Variants in UNC5D observed in about 807,000 individuals in gnomAD.
The protein encoded by UNC5D is netrin receptor UNC5D.
Under a neutral mutation model 105.4 loss-of-function variants are expected in UNC5D, and 39 were observed. The ratio of observed to expected loss-of-function variants is 0.37; its 90% CI spans 0.29 to 0.48. The LOEUF is 0.48. Among genes scored for constraint, UNC5D ranks in the 20% least tolerant of loss-of-function variants. The pLI, the probability that UNC5D is intolerant of heterozygous loss-of-function variation, is 0.98. For synonymous variants in UNC5D, 452 were observed against 450.4 expected, an observed-to-expected ratio of 1.00 and a Z score of -0.04; for missense variants, 991 against 1,202.4, an observed-to-expected ratio of 0.82 and a Z score of 2.60.
intron 1 of UNC5D, among the ~76,000 whole-genome samples, chr8:35,335,421 C>T (rs927338748): frequency 4.6e-5 from 7 of 152,168 alleles, no homozygotes; most frequent in Non-Finnish European, 7.3e-5. Flanking sequence ...TAAAAGCACA[C>T]ATTTTTTAGA....
Position 35,235,925 on chromosome 8 carries a change from C to G in UNC5D, c.103+38C>G, listed in dbSNP as rs1181660902. ...CGGAGCGGGCAGCTGGGGGCGAGGG[C>G]GCAGGGGCGCCAGCCTGACGGAGCG... On this transcript the variant is annotated intron_variant, in intron 1 of 16. Transcript: ENST00000404895. 3 of 1,221,592 alleles carry G rather than the reference C, an allele frequency of 2.5e-6. No individual in the cohort carries two copies. The East Asian group carries it at 9.6e-5, about 39-fold the overall frequency. The allele number at this position is 1,221,592 out of a possible 1,614,324, so 75.7% of individuals were successfully genotyped here.
rs4452796 is a variant in UNC5D at position 35,401,212 on chromosome 8, A to C, written c.104-148080A>C. Among the ~76,000 whole-genome samples the C allele has an allele frequency of 5.3e-5, 8 of 151,992 alleles. No homozygotes were observed. In the East Asian group the frequency reaches 5.8e-4, roughly 11 times the overall value. ...TGGCTCAAAATGAGGGGCCAGGTGC[A>C]GTGGTTCACACCTGTAATCCCACCA... On this transcript the variant is annotated intron_variant, in intron 1 of 16. Coordinates refer to ENST00000404895, the MANE Select transcript of UNC5D (RefSeq NM_080872.4).
intron 7 of UNC5D, among the ~76,000 whole-genome samples, chr8:35,689,595 A>T (rs11994757): frequency 6.6e-6 from 1 of 152,186 alleles, no homozygotes; most frequent in African/African-American, 2.4e-5. Context: ...GTAGGCTGCT[A>T]TGGAACCAGG....
intron 4 of UNC5D, among the ~76,000 whole-genome samples, chr8:35,675,487 A>C (rs1182481087): frequency 6.6e-6 from 1 of 152,218 alleles, no homozygotes. Flanking sequence ...GAGACACTTT[A>C]GAAATCATAA....
chr8:35,350,196 G>A (rs1369674105), intron 1 of UNC5D, among the ~76,000 whole-genome samples: 2 of 151,984 alleles, frequency 1.3e-5, no homozygotes, highest in Non-Finnish European at 2.9e-5. Flanking sequence ...AATGTTTACA[G>A]TACAGTTCCA....
In UNC5D at chr8:35,793,058, A is replaced by G. The variant is rs1436164276; in HGVS notation, c.*2495A>G. On this transcript the variant is annotated 3_prime_UTR_variant, in exon 17 of 17. Coordinates refer to ENST00000404895, the MANE Select transcript of UNC5D (RefSeq NM_080872.4). ...GGAGGAAGTTAACTTAATTCACCTC[A>G]GACTTCAGCCTAAGATTCAATCAAA... 10 of 454,068 alleles carry G rather than the reference A, an allele frequency of 2.2e-5. No homozygotes were observed. In the Admixed American group the frequency reaches 2.4e-4, roughly 11 times the overall value. The allele number at this position is 454,068 out of a possible 1,614,324, so 28.1% of individuals were successfully genotyped here. A position where few individuals can be genotyped will look rare whatever the true frequency, so the allele number is the denominator to read the frequency against.
intron 1 of UNC5D, among the ~76,000 whole-genome samples, chr8:35,347,917 A>G (rs1275094910): frequency 6.6e-6 from 1 of 152,102 alleles, no homozygotes; most frequent in Non-Finnish European, 1.5e-5. Flanking sequence ...ACAGAAACAC[A>G]GCTGAGAATA....
At chr8:35,263,397 C>T (rs1465977903) in intron 1 of UNC5D, among the ~76,000 whole-genome samples, 3 of 151,976 alleles carry the variant, frequency 2.0e-5, no homozygotes, top group African/African-American at 7.2e-5. Flanking sequence ...TGTTATTTTT[C>T]TTAATTAAAA....
intron 8 of UNC5D, among the ~76,000 whole-genome samples, chr8:35,715,059 G>A (rs1828178831): frequency 6.6e-6 from 1 of 152,204 alleles, no homozygotes; most frequent in Non-Finnish European, 1.5e-5. Flanking sequence ...GCTGAGGCAG[G>A]AGAATCACTT....
At chr8:35,473,162 G>A (rs1809856951) in intron 1 of UNC5D, among the ~76,000 whole-genome samples, 1 of 152,174 alleles carries the variant, frequency 6.6e-6, no homozygotes, top group African/African-American at 2.4e-5. Context: ...AACCTCAGTT[G>A]ACAATGCAGG....
At chr8:35,345,794 G>A (rs930101664) in intron 1 of UNC5D, among the ~76,000 whole-genome samples, 3 of 151,918 alleles carry the variant, frequency 2.0e-5, no homozygotes, top group Non-Finnish European at 4.4e-5. Flanking sequence ...AATGGAAAGT[G>A]CCCAAAGTGA....
chr8:35,731,493 T>C (rs1288471447), intron 11 of UNC5D, among the ~76,000 whole-genome samples: 3 of 150,748 alleles, frequency 2.0e-5, no homozygotes, highest in African/African-American at 7.3e-5. Flanking sequence ...GAATGAGACT[T>C]AGAGGTGTAT....
chr8:35,350,684 A>G (rs1042587267), intron 1 of UNC5D, among the ~76,000 whole-genome samples: 1 of 152,016 alleles, frequency 6.6e-6, no homozygotes, highest in Non-Finnish European at 1.5e-5. Context: ...TAAATTTCCT[A>G]TCTTCCATCC....
intron 1 of UNC5D, among the ~76,000 whole-genome samples, chr8:35,405,117 G>A (rs1313240315): frequency 2.6e-5 from 4 of 152,092 alleles, no homozygotes; most frequent in Admixed American, 6.6e-5. Context: ...AGCTGTTAAA[G>A]CCAAGAATTC....
At chr8:35,395,191 A>G (rs533033505) in intron 1 of UNC5D, among the ~76,000 whole-genome samples, 4 of 152,310 alleles carry the variant, frequency 2.6e-5, no homozygotes, top group African/African-American at 9.6e-5. Context: ...AAGCAGTATT[A>G]TTTTCCAATG....
chr8:35,591,086 T>C (rs1050807469), intron 3 of UNC5D, among the ~76,000 whole-genome samples: 2 of 152,168 alleles, frequency 1.3e-5, no homozygotes, highest in Non-Finnish European at 2.9e-5. Flanking sequence ...AATTATTGCA[T>C]TGAGTTGTTT....
chr8:35,709,068 T>C (rs886858682), intron 8 of UNC5D, among the ~76,000 whole-genome samples: 4 of 152,024 alleles, frequency 2.6e-5, no homozygotes, highest in Non-Finnish European at 5.9e-5. Context: ...CTGACTATTC[T>C]GCCACCTACT....
chr8:35,412,567 C>T (rs1348134953), intron 1 of UNC5D, among the ~76,000 whole-genome samples: 2 of 151,924 alleles, frequency 1.3e-5, no homozygotes, highest in African/African-American at 4.8e-5. Context: ...TAACCTCTCC[C>T]TCCCATGGTG....
intron 1 of UNC5D, among the ~76,000 whole-genome samples, chr8:35,334,538 G>A (rs1459066569): frequency 6.7e-6 from 1 of 149,868 alleles, no homozygotes; most frequent in Non-Finnish European, 1.5e-5. Context: ...TTGAGATGGA[G>A]TTTTGCTCTT....
Sources: gnomAD v4.1 joint callset for allele counts (sites outside exome capture counted in the v4.1 genomes callset) on GRCh38, gnomAD v4.1.1 for gene constraint, MANE v1.5 for transcripts, NCBI Gene and HGNC (gene_info 2026-07-23, HGNC 2026-07-21) for gene names.